TMCO4: variants seen among roughly 807,000 people sequenced by gnomAD.
The protein encoded by TMCO4 is transmembrane and coiled-coil domains 4, also known as transmembrane and coiled-coil domain-containing protein 4.
In TMCO4, 58 loss-of-function variants were observed where a neutral mutation model predicts 64.7. That is an observed-to-expected ratio of 0.90 (90% confidence interval 0.73 to 1.12). The LOEUF is 1.12. TMCO4 is among the 50% of genes most tolerant of loss of function. The pLI is 0.00. For synonymous variants in TMCO4, 325 were observed against 346.1 expected (o/e 0.94, Z 0.68); for missense variants, 780 against 825.9 (o/e 0.94, Z 0.68).
chr1:19,686,660 A>G (rs1195186328), intron 15 of TMCO4, among the ~76,000 whole-genome samples: 1 of 152,206 alleles, frequency 6.6e-6, no homozygotes, highest in African/African-American at 2.4e-5. Context: ...GTCAAGGCAC[A>G]GCCAGTGCCC....
In TMCO4 at chr1:19,746,501, C is replaced by T. The variant is rs1309234426; in HGVS notation, c.712G>A (p.Ala238Thr). The change falls in exon 9 of 16, where the codon GCC becomes ACC. Residue 238 changes from alanine to threonine, a missense_variant. Physicochemically the swap from Ala to Thr is moderately conservative, Grantham distance 58 (BLOSUM62 0). Transcript: ENST00000294543. ...GCACCAAACAGCGAGGTCATGATGG[C>T]TATGCCGGCTGCTGAGCCCAGAGCC... ...AAALGSAAGI[A>T]IMTSLFGAAG... 6.8e-6 allele frequency: 11 copies of T among 1,612,726 alleles called. No homozygotes were observed. The highest frequency in any genetic ancestry group is 9.3e-6 in the Non-Finnish European group (11 of 1,179,478).
At chr1:19,704,374 T>G (rs1218627240) in intron 13 of TMCO4, among the ~76,000 whole-genome samples, 1 of 152,234 alleles carries the variant, frequency 6.6e-6, no homozygotes, top group African/African-American at 2.4e-5. Context: ...CGATTTCCCT[T>G]GGAAGACGAG....
At chr1:19,741,742 C>CTA (rs2095480197) in intron 10 of TMCO4, among the ~76,000 whole-genome samples, 1 of 142,206 alleles carries the variant, frequency 7.0e-6, no homozygotes, top group Admixed American at 7.0e-5. Context: ...TTCTTTCTTT[C>CTA]TTTTTTTTTT....
At chr1:19,697,602 T>G (rs1250416000) in intron 14 of TMCO4, among the ~76,000 whole-genome samples, 1 of 149,416 alleles carries the variant, frequency 6.7e-6, no homozygotes, top group African/African-American at 2.5e-5. Flanking sequence ...CCTGGTTAAC[T>G]TTTGTATTTT....
At chr1:19,754,151 G>T (rs1433019337) in intron 7 of TMCO4, among the ~76,000 whole-genome samples, 16 of 152,166 alleles carry the variant, frequency 1.1e-4, no homozygotes, top group Non-Finnish European at 5.9e-5. Context: ...GCCTGTATTA[G>T]ACCTTCTGGT....
rs2095113582 is a variant in TMCO4, at chr1:19,682,937, C to T, written c.*103G>A. The T allele has an allele frequency of 3.6e-6, 5 of 1,385,330 alleles. No individual in the cohort carries two copies. In the South Asian group the frequency reaches 5.6e-5, roughly 15 times the overall value. The allele number at this position is 1,385,330 out of a possible 1,614,324, so 85.8% of individuals were successfully genotyped here. On this transcript the variant is annotated 3_prime_UTR_variant, in exon 16 of 16. Coordinates refer to ENST00000294543, the MANE Select transcript of TMCO4 (RefSeq NM_181719.7). The stretch of plus-strand genomic sequence containing the variant: ...AATTCCTTCCATTTAGGAAAGAGGC[C>T]TGTGGAAATCCTGTACCTCCAGAGC...
intron 6 of TMCO4, among the ~76,000 whole-genome samples, chr1:19,759,523 A>T (rs1038319734): frequency 3.3e-5 from 5 of 152,160 alleles, no homozygotes; most frequent in African/African-American, 9.7e-5. Context: ...CCTTCCTGCC[A>T]TCCTCTCCGA....
intron 4 of TMCO4, among the ~76,000 whole-genome samples, chr1:19,777,561 C>T (rs1043535043): frequency 5.3e-5 from 8 of 152,154 alleles, no homozygotes; most frequent in Non-Finnish European, 2.9e-5. Flanking sequence ...GTTGGCCAGG[C>T]TGGTCTTGAA....
intron 15 of TMCO4, among the ~76,000 whole-genome samples, chr1:19,685,688 G>C (rs1171781759): frequency 6.7e-6 from 1 of 149,216 alleles, no homozygotes; most frequent in African/African-American, 2.5e-5. Context: ...GGCAGGGCTG[G>C]GATTTGAATC....
At position 19,764,438 on chromosome 1, in the gene TMCO4, C is replaced by T. The variant is rs532223646; in HGVS notation, c.382+6104G>A. Among the ~76,000 whole-genome samples, 17 of 152,360 alleles carry T rather than the reference C, an allele frequency of 1.1e-4. No homozygotes were observed. In the East Asian group the frequency reaches 3.1e-3, roughly 28 times the overall value. The stretch of plus-strand genomic sequence containing the variant: ...AGCCAGGCATACAGTAGGCACTCAA[C>T]GAGCATGTGCTATTAGAGTTACTCT... On this transcript the variant is annotated intron_variant, in intron 6 of 15. Coordinates refer to ENST00000294543, the MANE Select transcript of TMCO4 (RefSeq NM_181719.7).
At chr1:19,714,924 A>AAAATAAAT (rs754447596) in intron 13 of TMCO4, among the ~76,000 whole-genome samples, 1 of 151,970 alleles carries the variant, frequency 6.6e-6, no homozygotes, top group Non-Finnish European at 1.5e-5. Flanking sequence ...ACTTCATCTC[A>AAAATAAAT]AAATAAATAA....
chr1:19,777,700 T>C (rs967034298), intron 4 of TMCO4, among the ~76,000 whole-genome samples: 6 of 152,152 alleles, frequency 3.9e-5, no homozygotes, highest in Admixed American at 6.5e-5. Context: ...GATTTCTTGT[T>C]AAGTGAAAAA....
Position 19,683,264 on chromosome 1 carries a change from G to A in TMCO4, c.1681C>T (p.Gln561Ter), listed in dbSNP as rs776561307. Residue 561 changes from glutamine (Q) to a stop codon, truncating the protein, a stop_gained, in exon 16 of 16, where the codon CAA (glutamine) becomes TAA (stop). Coordinates refer to ENST00000294543, the MANE Select transcript of TMCO4 (RefSeq NM_181719.7). LOFTEE classifies it low-confidence loss of function (END_TRUNC). ...TCTCCGGATATGGGACCCTGGGTTT[G>A]CCCAACCTGGTGGGGGGTCTCGCCT... ...SSGETPHQVG[Q>*]TQGPISGDTS... 6 of 1,614,082 alleles carry A rather than the reference G, an allele frequency of 3.7e-6. No homozygotes were observed. The highest frequency in any genetic ancestry group is 5.1e-6 in the Non-Finnish European group (6 of 1,180,022).
rs550102765 is a variant in TMCO4, at chr1:19,739,975, T to C, written c.1043-15A>G. The C allele has an allele frequency of 3.1e-6, 5 of 1,609,204 alleles. No homozygotes were observed. Among genetic ancestry groups the C allele is most frequent in the Middle Eastern group, 1.7e-4 (1 of 6,038 alleles). ...AGCCACAATGCCTGGGGAGGTGAGA[T>C]AGTGATGAAGGGAATGGCCCCTGTC... On this transcript the variant is annotated splice_polypyrimidine_tract_variant and intron_variant, in intron 11 of 15. Coordinates refer to ENST00000294543, the MANE Select transcript of TMCO4 (RefSeq NM_181719.7).
At chr1:19,759,101 CAAAAAAAA>C (rs1163885215) in intron 6 of TMCO4, among the ~76,000 whole-genome samples, 4 of 21,178 alleles carry the variant, frequency 1.9e-4, no homozygotes, top group Non-Finnish European at 4.4e-4. Context: ...GACTCGGTCT[CAAAAAAAA>C]AAAAAAAAAA....
intron 10 of TMCO4, among the ~76,000 whole-genome samples, chr1:19,744,155 G>A (rs1360635684): frequency 6.6e-6 from 1 of 152,070 alleles, no homozygotes; most frequent in African/African-American, 2.4e-5. Context: ...GGTCAGGTTG[G>A]GACGTTTAGG....
intron 9 of TMCO4, among the ~76,000 whole-genome samples, chr1:19,746,017 G>A (rs1404393771): frequency 6.6e-6 from 1 of 152,158 alleles, no homozygotes; most frequent in Non-Finnish European, 1.5e-5. Flanking sequence ...AGTCTCATCA[G>A]GGGAGCAAAC....
intron 6 of TMCO4, among the ~76,000 whole-genome samples, chr1:19,768,980 C>T (rs2042865982): frequency 6.6e-6 from 1 of 152,154 alleles, no homozygotes; most frequent in Admixed American, 6.5e-5. Context: ...GGTAGGGTGA[C>T]CTACATGTCC....
chr1:19,778,432 C>A (rs974298262), intron 4 of TMCO4, among the ~76,000 whole-genome samples: 1 of 152,068 alleles, frequency 6.6e-6, no homozygotes, highest in African/African-American at 2.4e-5. Flanking sequence ...CACCACCATG[C>A]CTGGCTAATT....
Sources: gnomAD v4.1 joint callset for allele counts (sites outside exome capture counted in the v4.1 genomes callset) on GRCh38, gnomAD v4.1.1 for gene constraint, MANE v1.5 for transcripts, NCBI Gene and HGNC (gene_info 2026-07-23, HGNC 2026-07-21) for gene names.